Variants in SLTM observed in about 807,000 individuals in gnomAD.
The protein encoded by SLTM is SAFB like transcription modulator, also known as SAFB-like transcription modulator.
In SLTM, 43 loss-of-function variants were observed where a neutral mutation model predicts 134.6. That is an observed-to-expected ratio of 0.32 (90% CI 0.25 to 0.41). The LOEUF is 0.41. Ranked by LOEUF, SLTM falls within the 10% of genes least tolerant of loss-of-function variation. The pLI is 1.00. For missense variants in SLTM, 1,055 were observed against 1,288.8 expected (o/e 0.82, Z 2.78); for synonymous variants, 424 against 432.3 (o/e 0.98, Z 0.24).
chr15:58,893,196 G>A lies in SLTM; in HGVS notation c.1734+83C>T, dbSNP rs117580320. ...CTTGGGTTTGCTAGCATGCAAGTACGCAAAGATGGTTATGGAAAAACAGAA... is the reference window on the plus strand; with the variant it reads ...CTTGGGTTTGCTAGCATGCAAGTACACAAAGATGGTTATGGAAAAACAGAA... On this transcript the variant is annotated intron_variant, in intron 13 of 20. Coordinates refer to ENST00000380516, the MANE Select transcript of SLTM (RefSeq NM_024755.4). 1,956 of 1,423,236 alleles carry A rather than the reference G, an allele frequency of 1.4e-3. 33 individuals are homozygous for A. In the East Asian group the frequency reaches 0.035, roughly 25 times the overall value. The allele number at this position is 1,423,236 out of a possible 1,614,324, so 88.2% of individuals were successfully genotyped here.
rs796282225 is a variant in SLTM, at chr15:58,927,892, T to C, written c.250+4464A>G. 4.2e-4 allele frequency among the ~76,000 whole-genome samples: 64 copies of C among 152,356 alleles called. 1 individual carries two copies. The highest frequency in any genetic ancestry group is 1.3e-3 in the African/African-American group (56 of 41,590). On this transcript the variant is annotated intron_variant, in intron 2 of 20. Transcript: ENST00000380516. ...TGATACTGTGTTATATGAAATGTGC[T>C]TTATATGGCTGATTACTACATTTAA... is the stretch of plus-strand genomic sequence containing the variant.
chr15:58,888,643 G>T, intron 16 of SLTM, 88 bp from the exon 17 acceptor site: 1 of 1,296,772 alleles, frequency 7.7e-7, no homozygotes, highest in Non-Finnish European at 1.1e-6. Flanking sequence ...CCACATGTTA[G>T]AACTGTGGAC....
chr15:58,898,773 C>G (rs1407634021), intron 8 of SLTM, 30 bp downstream of exon 8: 1 of 1,535,334 alleles, frequency 6.5e-7, no homozygotes, highest in Admixed American at 1.8e-5. Context: ...AATGTCAACA[C>G]TGAAATAAAT....
chr15:58,887,035 C>T lies in SLTM; in HGVS notation c.2775G>A (p.Ser925=), dbSNP rs199742743. The change falls in exon 19 of 21, where the codon TCG becomes TCA. Residue 925 remains serine (S), a synonymous_variant. Transcript: ENST00000380516. ...GAPPGNRSSA[S]GYGSREGDRG... is the part of the protein sequence containing the mutation. ...TGTCTCCCTCTCTGCTCCCGTACCCCGAAGCGCTGCTACGATTCCCAGGGG... is the reference window on the plus strand; with the variant it reads ...TGTCTCCCTCTCTGCTCCCGTACCCTGAAGCGCTGCTACGATTCCCAGGGG... 152 of 1,613,510 alleles carry T rather than the reference C, an allele frequency of 9.4e-5. No individual in the cohort carries two copies. The highest frequency in any genetic ancestry group is 1.2e-4 in the Non-Finnish European group (147 of 1,180,020).
chr15:58,917,648 C>G (rs1263209160), intron 2 of SLTM, among the ~76,000 whole-genome samples: 1 of 152,224 alleles, frequency 6.6e-6, no homozygotes, highest in East Asian at 1.9e-4. Flanking sequence ...GCAGAAATTA[C>G]TGCAGAGTGA....
chr15:58,887,473 T>C lies in SLTM; in HGVS notation c.2443A>G (p.Ser815Gly). ...ARPTARREDP[S>G]FERYPKNFSD... ...AAATTTTTGGGATATCTTTCGAAGC[T>C]TGGATCTTCCCTTCGTGCAGTAGGT... Residue 815 changes from serine to glycine, a missense_variant, in exon 18 of 21, where the codon AGC becomes GGC. Ser to Gly is a moderately conservative substitution (Grantham distance 56). Around this residue, in one of 3 missense-constraint regions of SLTM, gnomAD observed 776 missense variants for 962.2 expected, o/e 0.81. Coordinates refer to ENST00000380516, the MANE Select transcript of SLTM (RefSeq NM_024755.4). 6.2e-7 allele frequency: 1 copy of C among 1,614,184 alleles called. No homozygotes were observed. Among genetic ancestry groups the C allele is most frequent in the South Asian group, 1.1e-5 (1 of 91,080 alleles).
rs1179408938 is a variant in SLTM, at chr15:58,879,618, G to A, written c.*381C>T. On this transcript the variant is annotated 3_prime_UTR_variant, in exon 21 of 21. Transcript: ENST00000380516. ...AGTGTAGACAGCCTTCAAAATGGAG[G>A]CTGAAAATGCTTGGTAAAAAGAAGT... 1 of 158,846 alleles carries A rather than the reference G, an allele frequency of 6.3e-6. No homozygotes were observed. Among genetic ancestry groups the A allele is most frequent in the Non-Finnish European group, 1.4e-5 (1 of 72,260 alleles). The allele number at this position is 158,846 out of a possible 1,614,324, so 9.8% of individuals were successfully genotyped here.
chr15:58,899,429 G>C lies in SLTM; in HGVS notation c.1058+40C>G. The C allele has an allele frequency of 6.6e-7, 1 of 1,522,822 alleles. No homozygotes were observed. 94.3% of individuals were successfully genotyped at this position (1,522,822 alleles called of 1,614,324 possible). On this transcript the variant is annotated intron_variant, in intron 7 of 20. Transcript: ENST00000380516. This position sits in a 1 kb window ranked among gnomAD's most constrained non-coding sequence, Gnocchi z 5.0. Reference sequence around the variant, plus strand: ...ATGTAGAGTGATCTTATTGAATGCTGGAATTCAGTATCGTAAAGAACTGAC... The same window carrying C: ...ATGTAGAGTGATCTTATTGAATGCTCGAATTCAGTATCGTAAAGAACTGAC...
chr15:58,894,736 ACT>A (rs1194569664), intron 9 of SLTM, among the ~76,000 whole-genome samples, 154 bp from the exon 10 acceptor site: 4 of 139,202 alleles, frequency 2.9e-5, no homozygotes, highest in South Asian at 2.2e-4. Flanking sequence ...ATGGAGTCAC[ACT>A]CTGTCACGCA....
intron 8 of SLTM, 188 bp from the exon 9 acceptor site, chr15:58,897,421 T>C (rs1162614684): frequency 4.0e-6 from 2 of 506,120 alleles, no homozygotes; most frequent in African/African-American, 1.9e-5. Flanking sequence ...TCTGAACGTA[T>C]GTACATTTCC....
In SLTM at chr15:58,899,441, C is replaced by T. The variant is rs753804946; in HGVS notation, c.1058+28G>A. Reference sequence around the variant, plus strand: ...CTTATTGAATGCTGGAATTCAGTATCGTAAAGAACTGACATAGAAAAACAA... The same window carrying T: ...CTTATTGAATGCTGGAATTCAGTATTGTAAAGAACTGACATAGAAAAACAA... On this transcript the variant is annotated intron_variant, in intron 7 of 20. Transcript: ENST00000380516. The surrounding 1 kb of genome is among the most constrained non-coding windows in gnomAD (Gnocchi z 5.0). The T allele has an allele frequency of 7.0e-6, 11 of 1,571,246 alleles. No homozygotes were observed. Among genetic ancestry groups the T allele is most frequent in the South Asian group, 2.2e-5 (2 of 89,882 alleles).
intron 2 of SLTM, 52 bp from the exon 3 acceptor site, chr15:58,917,051 C>CA: frequency 1.3e-6 from 2 of 1,545,778 alleles, no homozygotes; most frequent in Non-Finnish European, 1.8e-6. Context: ...ACTTTAAGAA[C>CA]AAAAAATATT....
intron 2 of SLTM, among the ~76,000 whole-genome samples, chr15:58,922,645 A>AT (rs1308651227): frequency 6.8e-6 from 1 of 147,254 alleles, no homozygotes; most frequent in East Asian, 1.9e-4. Flanking sequence ...TATATTATAT[A>AT]TTATATGCGT....
At position 58,899,097 on chromosome 15, in the gene SLTM, A is replaced by AT. The variant is rs561911061; in HGVS notation, c.1059-246_1059-245insA. 359 of 449,114 alleles carry AT rather than the reference A, an allele frequency of 8.0e-4. No individual in the cohort carries two copies. Among genetic ancestry groups the AT allele is most frequent in the Non-Finnish European group, 9.4e-4 (239 of 255,166 alleles). The allele number at this position is 449,114 out of a possible 1,614,324, so 27.8% of individuals were successfully genotyped here. A position where few individuals can be genotyped will look rare whatever the true frequency, so the allele number is the denominator to read the frequency against. On this transcript the variant is annotated intron_variant, in intron 7 of 20. Coordinates refer to ENST00000380516, the MANE Select transcript of SLTM (RefSeq NM_024755.4). The surrounding 1 kb of genome is among the most constrained non-coding windows in gnomAD (Gnocchi z 5.0). ...CAGTGGAAATATGGCCATCTTCTCCAGATTTCAGGACTGGGACTTGACTTC... is the reference window on the plus strand; with the variant it reads ...CAGTGGAAATATGGCCATCTTCTCCATGATTTCAGGACTGGGACTTGACTTC...
At chr15:58,904,431 C>A (rs2035722204) in intron 5 of SLTM, among the ~76,000 whole-genome samples, 1 of 152,098 alleles carries the variant, frequency 6.6e-6, no homozygotes, top group South Asian at 2.1e-4. Flanking sequence ...ACTAAAAATA[C>A]TAAAAAGCTC....
intron 2 of SLTM, 76 bp from the exon 3 acceptor site, chr15:58,917,075 G>A (rs2036702685): frequency 7.6e-7 from 1 of 1,320,180 alleles, no homozygotes; most frequent in East Asian, 2.4e-5. Flanking sequence ...AGTTTACCCT[G>A]CAATAGCACT....
chr15:58,898,763 A>T, intron 8 of SLTM, 40 bp downstream of exon 8: 1 of 1,464,030 alleles, frequency 6.8e-7, no homozygotes, highest in Non-Finnish European at 9.5e-7. Flanking sequence ...GAAAATACAC[A>T]ATGTCAACAC....
At chr15:58,915,376 T>C (rs2036563041) in intron 3 of SLTM, among the ~76,000 whole-genome samples, 2 of 152,176 alleles carry the variant, frequency 1.3e-5, no homozygotes, top group African/African-American at 4.8e-5. Context: ...CAAATGACTG[T>C]AACATTTTTA....
At position 58,897,245 on chromosome 15, in the gene SLTM, T is replaced by A. The variant is rs2035156603; in HGVS notation, c.1109-12A>T. The A allele has an allele frequency of 2.1e-6, 3 of 1,414,536 alleles. No homozygotes were observed. Among genetic ancestry groups the A allele is most frequent in the Non-Finnish European group, 3.0e-6 (3 of 1,003,968 alleles). The allele number at this position is 1,414,536 out of a possible 1,614,324, so 87.6% of individuals were successfully genotyped here. On this transcript the variant is annotated splice_polypyrimidine_tract_variant and intron_variant, in intron 8 of 20. Coordinates refer to ENST00000380516, the MANE Select transcript of SLTM (RefSeq NM_024755.4). The stretch of plus-strand genomic sequence containing the variant: ...ACTACTTGTACTTCCTAGAATAGAT[T>A]TAATATCAGATGTTTAAGTATCTCA...
Sources: gnomAD v4.1 joint callset for allele counts (sites outside exome capture counted in the v4.1 genomes callset) on GRCh38, gnomAD v4.1.1 for gene constraint, gnomAD v4.1.1 regional missense constraint, Gnocchi (gnomAD v3.1) non-coding constraint, MANE v1.5 for transcripts, NCBI Gene and HGNC (gene_info 2026-07-23, HGNC 2026-07-21) for gene names.